The following DNASE1 variants were observed in gnomAD, a reference collection of about 807,000 sequenced individuals.
DNASE1 encodes deoxyribonuclease-1.
A neutral mutation model predicts 33.9 loss-of-function variants in DNASE1; 40 were observed. The observed-to-expected ratio is 1.18, with a 90% CI of 0.92 to 1.54. The LOEUF (loss-of-function observed/expected upper bound fraction) is 1.54. Ranked by LOEUF, DNASE1 falls within the 40% of genes most tolerant of loss-of-function variation. DNASE1 has a pLI of 0.00. For missense variants in DNASE1, 518 were observed against 372.6 expected, an observed-to-expected ratio of 1.39 and a Z score of -3.21; for synonymous variants, 216 against 160.0, an observed-to-expected ratio of 1.35 and a Z score of -2.64.
At chr16:3,643,756 T>G (rs987483392) in intron 1 of DNASE1, among the ~76,000 whole-genome samples, 1 of 152,128 alleles carries the variant, frequency 6.6e-6, no homozygotes, top group Admixed American at 6.5e-5. Flanking sequence ...TTTTATTTTA[T>G]TATTTTATTT....
At position 3,657,895 on chromosome 16, in the gene DNASE1, C is replaced by CTTGCCTGCAGG. The variant is rs1567214299; in HGVS notation, c.802-10_802dup. On this transcript the variant is annotated splice_polypyrimidine_tract_variant and intron_variant, in intron 8 of 8. Coordinates refer to ENST00000246949, the MANE Select transcript of DNASE1 (RefSeq NM_005223.4). ...AGGCTCAGCCCAGACCCTGTGCCCA[C>CTTGCCTGCAGG]TTGCCTGCAGGCCCAAGCCATCAGT... The CTTGCCTGCAGG allele has an allele frequency of 6.2e-7, 1 of 1,614,064 alleles. No homozygotes were observed. The highest frequency in any genetic ancestry group is 1.1e-5 in the South Asian group (1 of 91,080).
chr16:3,642,414 C>T (rs2042050469), upstream of DNASE1, among the ~76,000 whole-genome samples: 1 of 152,236 alleles, frequency 6.6e-6, no homozygotes, highest in Non-Finnish European at 1.5e-5. Flanking sequence ...TCCCTCCTTC[C>T]TCAGAGAGGC....
intron 1 of DNASE1, among the ~76,000 whole-genome samples, chr16:3,628,675 C>G (rs1385075319): frequency 3.3e-5 from 5 of 151,568 alleles, no homozygotes; most frequent in African/African-American, 9.7e-5. Flanking sequence ...TCTTCTGCCT[C>G]AGGCTCCCGA....
upstream of DNASE1, chr16:3,651,728 A>T (rs553859590): frequency 2.0e-5 from 3 of 152,826 alleles, no homozygotes; most frequent in African/African-American, 7.2e-5. Context: ...CCCCAGGACG[A>T]GGCCCAGGCA....
At chr16:3,662,983 C>A, downstream of DNASE1, 3 of 1,585,858 alleles carry the variant, frequency 1.9e-6, no homozygotes, top group Non-Finnish European at 2.6e-6. Flanking sequence ...GAAGAGCAGG[C>A]GACAGGGAGC....
chr16:3,658,635 T>C (rs931454555), downstream of DNASE1: 3 of 710,872 alleles, frequency 4.2e-6, no homozygotes, highest in African/African-American at 3.6e-5. Context: ...ATCGCGCCAC[T>C]GCACTCCAGC....
chr16:3,618,058 G>C (rs578231428), intron 1 of DNASE1, among the ~76,000 whole-genome samples: 23 of 134,812 alleles, frequency 1.7e-4, no homozygotes, highest in African/African-American at 6.7e-4. Context: ...GGGCATGGTA[G>C]AACTTGTCCT....
At chr16:3,632,642 G>A (rs1789120464) in intron 1 of DNASE1, among the ~76,000 whole-genome samples, 1 of 150,582 alleles carries the variant, frequency 6.6e-6, no homozygotes, top group African/African-American at 2.4e-5. Flanking sequence ...CTGGAGTGCA[G>A]TAGCTTGATC....
At position 3,657,040 on chromosome 16, in the gene DNASE1, G is replaced by GGGGA. The variant is rs1387057731; in HGVS notation, c.479_482dup (p.Asp161GlufsTer12). On this transcript the variant is annotated frameshift_variant, in exon 6 of 9. Coordinates refer to ENST00000246949, the MANE Select transcript of DNASE1 (RefSeq NM_005223.4). LOFTEE classifies it high-confidence loss of function. The stretch of plus-strand genomic sequence containing the variant: ...CATTGTTCCCCTGCATGCGGCCCCG[G>GGGGA]GGGACGCAGTAGCCGAGATCGACGC... 9 of 1,613,824 alleles carry GGGGA rather than the reference G, an allele frequency of 5.6e-6. No individual in the cohort carries two copies. The highest frequency in any genetic ancestry group is 7.6e-6 in the Non-Finnish European group (9 of 1,180,022).
chr16:3,655,618 G>C, intron 2 of DNASE1, 98 bp downstream of exon 2: 2 of 1,574,018 alleles, frequency 1.3e-6, no homozygotes, highest in Non-Finnish European at 8.7e-7. Flanking sequence ...TGTCGGGTGT[G>C]GGGTACTGAG....
chr16:3,651,853 G>A (rs576698240), upstream of DNASE1: 5 of 152,472 alleles, frequency 3.3e-5, no homozygotes, highest in East Asian at 3.9e-4. Context: ...AGAGATCCAC[G>A]AGGGAGAAGT....
intron 1 of DNASE1, among the ~76,000 whole-genome samples, chr16:3,627,162 C>T (rs1449788950): frequency 1.3e-5 from 2 of 152,046 alleles, no homozygotes; most frequent in Admixed American, 6.6e-5. Context: ...TGAGCCACTG[C>T]ACCCAGCCCT....
In DNASE1 at chr16:3,622,270, T is replaced by G. The variant is rs80311816; in HGVS notation, c.-1359+10264T>G. ...CAGTTTCCATTCCGTTAACAATGAA[T>G]GTCTTTTTACTCATATCCACACACT... On this transcript the variant is annotated intron_variant and NMD_transcript_variant, in intron 1 of 11. Transcript: ENST00000570769. 3.5e-3 allele frequency among the ~76,000 whole-genome samples: 525 copies of G among 148,664 alleles called. 2 individuals are homozygous for G. Among genetic ancestry groups the G allele is most frequent in the African/African-American group, 0.012 (500 of 40,300 alleles).
upstream of DNASE1, among the ~76,000 whole-genome samples, chr16:3,639,634 C>T (rs1047164602): frequency 6.6e-6 from 1 of 152,214 alleles, no homozygotes; most frequent in Non-Finnish European, 1.5e-5. Flanking sequence ...TTAGTCAACT[C>T]CCTGTAAATA....
chr16:3,638,875 A>G (rs1399676713), upstream of DNASE1, among the ~76,000 whole-genome samples: 1 of 151,882 alleles, frequency 6.6e-6, no homozygotes, highest in Non-Finnish European at 1.5e-5. Context: ...TTCAGTGTTT[A>G]TTTGGTGTTA....
downstream of DNASE1, chr16:3,662,513 A>G (rs1202134754): frequency 3.8e-6 from 2 of 524,842 alleles, no homozygotes; most frequent in Non-Finnish European, 7.1e-6. Context: ...AGCTCTCTGA[A>G]GCCCACCCAA....
chr16:3,619,959 A>G (rs928613261), intron 1 of DNASE1, among the ~76,000 whole-genome samples: 4 of 139,372 alleles, frequency 2.9e-5, no homozygotes, highest in African/African-American at 8.1e-5. Context: ...TCTGTCACCT[A>G]GGCTGGAGTG....
chr16:3,623,617 A>G (rs2041399847), intron 1 of DNASE1, among the ~76,000 whole-genome samples: 1 of 152,170 alleles, frequency 6.6e-6, no homozygotes, highest in African/African-American at 2.4e-5. Flanking sequence ...CAAGGATCTC[A>G]ACAAGAAAAA....
chr16:3,664,104 C>A, exon 10 of DNASE1: 1 of 676,312 alleles, frequency 1.5e-6, no homozygotes, highest in Non-Finnish European at 2.3e-6. Flanking sequence ...ATGTGACCTC[C>A]AAGTGGGAAA....
Sources: allele counts gnomAD v4.1 joint callset (sites outside exome capture counted in the v4.1 genomes callset), GRCh38; gene constraint gnomAD v4.1.1; transcripts MANE v1.5; gene names NCBI Gene and HGNC (gene_info 2026-07-23, HGNC 2026-07-21).